Variants in VAT1L observed in about 807,000 individuals in gnomAD.
VAT1L encodes the protein vesicle amine transport 1 like, also known as putative NADPH-dependent quinone oxidoreductase VAT1L.
Under a neutral mutation model 44.1 loss-of-function variants are expected in VAT1L, and 34 were observed. That is an observed-to-expected ratio of 0.77 (90% CI 0.59 to 1.03). The LOEUF (loss-of-function observed/expected upper bound fraction) is 1.03, where lower values mean the gene tolerates loss of function less well. Ranked by LOEUF, VAT1L falls within the 50% of genes least tolerant of loss-of-function variation. The pLI is 0.00. For synonymous variants in VAT1L, 253 were observed against 202.2 expected (o/e 1.25, Z -2.13); for missense variants, 615 against 538.8 (o/e 1.14, Z -1.40).
At chr16:77,948,492 A>G (rs1181022043) in intron 7 of VAT1L, among the ~76,000 whole-genome samples, 1 of 152,166 alleles carries the variant, frequency 6.6e-6, no homozygotes, top group Non-Finnish European at 1.5e-5. Context: ...TATAGTTGTC[A>G]TTTGGGGAAG....
chr16:77,908,343 TC>T (rs2017461067), intron 7 of VAT1L, among the ~76,000 whole-genome samples: 1 of 150,474 alleles, frequency 6.6e-6, no homozygotes, highest in Non-Finnish European at 1.5e-5. Context: ...GTGCCTGTAA[TC>T]CCTGCTACTT....
intron 1 of VAT1L, among the ~76,000 whole-genome samples, chr16:77,795,820 T>TC (rs2015921421): frequency 6.1e-5 from 6 of 99,108 alleles, no homozygotes; most frequent in African/African-American, 3.0e-4. Context: ...TCTCTTTTTT[T>TC]TTTTTTTTTT....
chr16:77,834,559 G>C (rs117264977), intron 3 of VAT1L, among the ~76,000 whole-genome samples: 258 of 152,162 alleles, frequency 1.7e-3, no homozygotes, highest in Non-Finnish European at 3.1e-3. Context: ...GTCAACCTGG[G>C]AAGCCCGTGT....
intron 7 of VAT1L, among the ~76,000 whole-genome samples, chr16:77,925,812 C>T (rs1017728933): frequency 2.0e-5 from 3 of 151,552 alleles, no homozygotes; most frequent in Non-Finnish European, 4.4e-5. Context: ...ACATAAAAAG[C>T]CAGAAGCAGC....
chr16:77,897,997 A>C (rs913984241), intron 7 of VAT1L, among the ~76,000 whole-genome samples: 1 of 152,214 alleles, frequency 6.6e-6, no homozygotes, highest in South Asian at 2.1e-4. Context: ...GGAAGTGTAA[A>C]GATCAAAGTG....
At position 77,868,749 on chromosome 16, in the gene VAT1L, T is replaced by C. The variant is rs72793004; in HGVS notation, c.722+5859T>C. On this transcript the variant is annotated intron_variant, in intron 4 of 8. Coordinates refer to ENST00000302536, the MANE Select transcript of VAT1L (RefSeq NM_020927.3). ...TTTTGTGAGGTGCTTGGATGGTGCTTGGTTAGATCAGAGCTTCCAACCTCA... is the reference window on the plus strand; with the variant it reads ...TTTTGTGAGGTGCTTGGATGGTGCTCGGTTAGATCAGAGCTTCCAACCTCA... Among the ~76,000 whole-genome samples, 1,023 of 152,130 alleles carry C rather than the reference T, an allele frequency of 6.7e-3. 8 individuals carry two copies. The highest frequency in any genetic ancestry group is 8.7e-3 in the Non-Finnish European group (591 of 68,004).
At chr16:77,816,880 C>A in intron 1 of VAT1L, 41 bp from the exon 2 acceptor site, 1 of 1,547,522 alleles carries the variant, frequency 6.5e-7, no homozygotes, top group South Asian at 1.2e-5. Flanking sequence ...TCTTTTGGAT[C>A]TCATTTTGAA....
chr16:77,969,806 A>T lies in VAT1L; in HGVS notation c.1078-2044A>T, dbSNP rs559089781. 2.0e-5 allele frequency among the ~76,000 whole-genome samples: 3 copies of T among 152,214 alleles called. No individual in the cohort carries two copies. In the East Asian group the frequency reaches 5.8e-4, roughly 30 times the overall value. On this transcript the variant is annotated intron_variant, in intron 7 of 8. Coordinates refer to ENST00000302536, the MANE Select transcript of VAT1L (RefSeq NM_020927.3). ...TGAAGATTCCCGGTGGGCAGTAGCT[A>T]TAATGAACAAATGTGAAAACCTTTG...
chr16:77,950,958 T>G (rs1296795624), intron 7 of VAT1L, among the ~76,000 whole-genome samples: 3 of 152,208 alleles, frequency 2.0e-5, no homozygotes, highest in Non-Finnish European at 4.4e-5. Context: ...GGTAAATTAC[T>G]GGATCTAGGC....
chr16:77,839,306 C>T (rs982470142), intron 3 of VAT1L, among the ~76,000 whole-genome samples: 5 of 151,760 alleles, frequency 3.3e-5, no homozygotes, highest in East Asian at 2.0e-4. Flanking sequence ...GAGGCCGAGA[C>T]GGGCAGATCA....
intron 4 of VAT1L, among the ~76,000 whole-genome samples, chr16:77,875,616 A>C (rs2017079692): frequency 6.6e-6 from 1 of 152,240 alleles, no homozygotes. Flanking sequence ...GAGTGAATCA[A>C]TGAATGTATA....
At chr16:77,807,894 T>C (rs1454520109) in intron 1 of VAT1L, among the ~76,000 whole-genome samples, 1 of 152,178 alleles carries the variant, frequency 6.6e-6, no homozygotes, top group Non-Finnish European at 1.5e-5. Context: ...GCTTTGGTGA[T>C]TGCAGAGGAC....
intron 3 of VAT1L, among the ~76,000 whole-genome samples, chr16:77,855,462 G>A (rs113075463): frequency 6.6e-6 from 1 of 151,678 alleles, no homozygotes; most frequent in African/African-American, 2.4e-5. Flanking sequence ...TATCTCCCCC[G>A]ACATGCCCAC....
At chr16:77,914,170 T>C (rs964186048) in intron 7 of VAT1L, among the ~76,000 whole-genome samples, 45 of 152,222 alleles carry the variant, frequency 3.0e-4, no homozygotes, top group Non-Finnish European at 4.3e-4. Flanking sequence ...ATCAGGAATT[T>C]TGTGAGCCAG....
chr16:77,857,342 G>A (rs1268171685), intron 3 of VAT1L, among the ~76,000 whole-genome samples: 6 of 152,210 alleles, frequency 3.9e-5, no homozygotes, highest in African/African-American at 1.4e-4. Context: ...ATGAGCTGCT[G>A]ATCCTGCATT....
intron 1 of VAT1L, among the ~76,000 whole-genome samples, chr16:77,811,277 G>C (rs1014257817): frequency 1.3e-5 from 2 of 152,178 alleles, no homozygotes; most frequent in Non-Finnish European, 2.9e-5. Flanking sequence ...ATGTATCTTT[G>C]CTAAACTCCT....
intron 7 of VAT1L, among the ~76,000 whole-genome samples, chr16:77,917,860 C>T (rs2142491206): frequency 6.6e-6 from 1 of 152,260 alleles, no homozygotes; most frequent in South Asian, 2.1e-4. Context: ...CCCAGACCTC[C>T]CTGGTCTTTG....
At chr16:77,802,911 G>C (rs545074028) in intron 1 of VAT1L, among the ~76,000 whole-genome samples, 75 of 152,106 alleles carry the variant, frequency 4.9e-4, no homozygotes, top group African/African-American at 1.7e-3. Context: ...GCAGGCCTTT[G>C]ATCTTCTCAG....
At chr16:77,872,227 C>A (rs888328212) in intron 4 of VAT1L, among the ~76,000 whole-genome samples, 1 of 152,032 alleles carries the variant, frequency 6.6e-6, no homozygotes, top group Non-Finnish European at 1.5e-5. Context: ...TGCCCTTGAG[C>A]CACCCCTCTC....
Sources: gnomAD v4.1 joint callset for allele counts (sites outside exome capture counted in the v4.1 genomes callset) on GRCh38, gnomAD v4.1.1 for gene constraint, MANE v1.5 for transcripts, NCBI Gene and HGNC (gene_info 2026-07-23, HGNC 2026-07-21) for gene names.